Variants in CCDC12 observed in about 807,000 individuals in gnomAD.
CCDC12 encodes coiled-coil domain containing 12, also known as coiled-coil domain-containing protein 12.
CCDC12 carries 28 observed loss-of-function variants against 25.7 expected under a neutral mutation model. The ratio of observed to expected loss-of-function variants is 1.09; its 90% CI spans 0.81 to 1.50. The LOEUF (loss-of-function observed/expected upper bound fraction) is 1.50. Ranked by LOEUF, CCDC12 falls within the 40% of genes most tolerant of loss-of-function variation. CCDC12 has a pLI of 0.00. For missense variants in CCDC12, 198 were observed against 210.0 expected (o/e 0.94, Z 0.35); for synonymous variants, 75 against 87.7 (o/e 0.86, Z 0.81).
rs555472055 is a variant in CCDC12 at position 46,971,982 on chromosome 3, C to T, written c.96+4655G>A. 1.1e-4 allele frequency among the ~76,000 whole-genome samples: 16 copies of T among 152,272 alleles called. No homozygotes were observed. The South Asian group carries it at 3.1e-3, about 30-fold the overall frequency. On this transcript the variant is annotated intron_variant, in intron 1 of 6. Coordinates refer to ENST00000683445, the MANE Select transcript of CCDC12 (RefSeq NM_001277074.2). ...TCACCAGACTCCCCACTTAAAAGGT[C>T]CAGCAGAAAGGGCCACAGGCTGGAA...
intron 1 of CCDC12, among the ~76,000 whole-genome samples, chr3:46,957,996 C>CACACACACACACACACACACACAT (rs113627328): frequency 1.4e-4 from 20 of 142,682 alleles, no homozygotes; most frequent in Admixed American, 2.8e-4. Context: ...CACACACACA[C>CACACACACACACACACACACACAT]ATATATATGT....
At chr3:46,952,367 T>C (rs1264691448) in intron 1 of CCDC12, among the ~76,000 whole-genome samples, 1 of 152,358 alleles carries the variant, frequency 6.6e-6, no homozygotes, top group Non-Finnish European at 1.5e-5. Flanking sequence ...TCATACCTAA[T>C]ACTCTTTCCA....
At chr3:46,923,710 G>A (rs746185397) in intron 3 of CCDC12, 42 bp from the exon 4 acceptor site, 14 of 1,430,306 alleles carry the variant, frequency 9.8e-6, no homozygotes, top group East Asian at 5.1e-5. Flanking sequence ...TGGAAAACGC[G>A]CTGCCACTCT....
At chr3:46,928,702 T>G (rs2033080256) in intron 2 of CCDC12, among the ~76,000 whole-genome samples, 1 of 152,192 alleles carries the variant, frequency 6.6e-6, no homozygotes, top group South Asian at 2.1e-4. Context: ...GAGAAAGACT[T>G]TTTCAGACAA....
chr3:46,949,054 AATGAC>A (rs1183020501), intron 1 of CCDC12, among the ~76,000 whole-genome samples: 7 of 152,228 alleles, frequency 4.6e-5, no homozygotes, highest in African/African-American at 7.2e-5. Context: ...TCCAGAGGTC[AATGAC>A]CAGACAGAAA....
chr3:46,976,603 G>A, intron 1 of CCDC12, 34 bp downstream of exon 1: 1 of 1,592,670 alleles, frequency 6.3e-7, no homozygotes, highest in South Asian at 1.1e-5. Context: ...AACGCTGGAC[G>A]CCTCAACTGC....
chr3:46,922,171 A>G (rs777415512), intron 6 of CCDC12, 32 bp from the exon 7 acceptor site: 1 of 1,613,930 alleles, frequency 6.2e-7, no homozygotes, highest in African/African-American at 1.3e-5. Context: ...AGGGGTGGGG[A>G]GGGGCCCGGT....
At chr3:46,932,183 T>C (rs4683297) in intron 2 of CCDC12, among the ~76,000 whole-genome samples, 48,064 of 151,956 alleles carry the variant, frequency 0.32, 8,100 homozygotes, top group East Asian at 0.54. Context: ...AATTATTCCA[T>C]AGAAATAGTA....
chr3:46,922,638 C>A (rs1298359807), intron 5 of CCDC12: 2 of 412,274 alleles, frequency 4.9e-6, no homozygotes. Flanking sequence ...CTTGCTCCTG[C>A]CCACTGTGGG....
At chr3:46,953,558 T>C (rs1299232739) in intron 1 of CCDC12, among the ~76,000 whole-genome samples, 6 of 150,942 alleles carry the variant, frequency 4.0e-5, no homozygotes, top group Non-Finnish European at 7.4e-5. Flanking sequence ...CTCTTGACCC[T>C]CACCTGGCTA....
At chr3:46,962,574 A>G (rs1312551294) in intron 1 of CCDC12, among the ~76,000 whole-genome samples, 1 of 152,198 alleles carries the variant, frequency 6.6e-6, no homozygotes, top group African/African-American at 2.4e-5. Flanking sequence ...AAAACAGGCA[A>G]CTGAATAAAA....
chr3:46,971,748 A>T (rs140860171), intron 1 of CCDC12, among the ~76,000 whole-genome samples: 88 of 152,312 alleles, frequency 5.8e-4, no homozygotes, highest in African/African-American at 2.0e-3. Context: ...TAAGAACTCA[A>T]TGAAGGACCT....
At chr3:46,973,919 C>CCCATGT (rs1171270874) in intron 1 of CCDC12, among the ~76,000 whole-genome samples, 3 of 152,136 alleles carry the variant, frequency 2.0e-5, no homozygotes, top group African/African-American at 7.2e-5. Context: ...GCCTTGTACT[C>CCCATGT]CCATGTTTAT....
chr3:46,974,682 G>C lies in CCDC12; in HGVS notation c.96+1955C>G, dbSNP rs115275770. On this transcript the variant is annotated intron_variant, in intron 1 of 6. Coordinates refer to ENST00000683445, the MANE Select transcript of CCDC12 (RefSeq NM_001277074.2). ...CACAGGACCCCCAGACTGCCATGCAGTAAGGAAAATAGGGGTCAGACTGTC... is the reference window on the plus strand; with the variant it reads ...CACAGGACCCCCAGACTGCCATGCACTAAGGAAAATAGGGGTCAGACTGTC... Among the ~76,000 whole-genome samples the C allele has an allele frequency of 5.3e-3, 803 of 152,352 alleles. 6 individuals are homozygous for C. The highest frequency in any genetic ancestry group is 0.018 in the African/African-American group (759 of 41,582).
At chr3:46,924,809 C>A (rs2107102323) in intron 3 of CCDC12, 1 of 154,362 alleles carries the variant, frequency 6.5e-6, no homozygotes, top group Non-Finnish European at 1.4e-5. Flanking sequence ...GAGCGAGACT[C>A]CATCTCAAAA....
At chr3:46,923,259 G>A (rs1300309050) in intron 5 of CCDC12, 70 bp downstream of exon 5, 1 of 1,402,214 alleles carries the variant, frequency 7.1e-7, no homozygotes, top group African/African-American at 1.5e-5. Context: ...GAAGGGCCAA[G>A]CCCCAGGCCC....
chr3:46,928,915 C>T (rs2033090427), intron 2 of CCDC12, among the ~76,000 whole-genome samples: 1 of 152,040 alleles, frequency 6.6e-6, no homozygotes, highest in South Asian at 2.1e-4. Context: ...TTGCTTGAGC[C>T]AGGCGTTCAA....
intron 1 of CCDC12, among the ~76,000 whole-genome samples, chr3:46,964,548 T>C (rs1426498063): frequency 6.6e-6 from 1 of 152,188 alleles, no homozygotes; most frequent in African/African-American, 2.4e-5. Flanking sequence ...AATCGGATGG[T>C]TGCTGTGTCT....
intron 1 of CCDC12, among the ~76,000 whole-genome samples, chr3:46,947,559 G>A (rs1028351693): frequency 1.3e-5 from 2 of 152,218 alleles, no homozygotes; most frequent in African/African-American, 4.8e-5. Context: ...CTGGCAGGGG[G>A]AAAGGGGGAG....
Sources: allele counts gnomAD v4.1 joint callset (sites outside exome capture counted in the v4.1 genomes callset), GRCh38; gene constraint gnomAD v4.1.1; transcripts MANE v1.5; gene names NCBI Gene and HGNC (gene_info 2026-07-23, HGNC 2026-07-21).